The following SUGCT variants were observed in gnomAD, a reference collection of about 807,000 sequenced individuals.
The protein encoded by SUGCT is succinyl-CoA:glutarate-CoA transferase.
SUGCT carries 41 observed loss-of-function variants against 55.0 expected under a neutral mutation model. That is an observed-to-expected ratio of 0.74 (90% CI 0.58 to 0.97). The LOEUF (loss-of-function observed/expected upper bound fraction) is 0.97, where lower values mean the gene tolerates loss of function less well. Among genes scored for constraint, SUGCT ranks in the 50% least tolerant of loss-of-function variants. SUGCT has a pLI of 0.00. For missense variants in SUGCT, 568 were observed against 547.8 expected, an observed-to-expected ratio of 1.04 and a Z score of -0.37; for synonymous variants, 187 against 200.4, an observed-to-expected ratio of 0.93 and a Z score of 0.56.
chr7:40,645,332 C>T (rs191743498), intron 12 of SUGCT, among the ~76,000 whole-genome samples: 182 of 152,220 alleles, frequency 1.2e-3, no homozygotes, highest in African/African-American at 3.7e-3. Context: ...TGCTGTGGGC[C>T]GTGGCTCTTT....
intron 9 of SUGCT, among the ~76,000 whole-genome samples, chr7:40,381,412 A>G (rs1035083169): frequency 6.6e-5 from 10 of 152,068 alleles, no homozygotes; most frequent in Admixed American, 2.6e-4. Context: ...TTTTGTTCAC[A>G]TGGATAAAGT....
chr7:40,520,079 A>G (rs530995607), intron 12 of SUGCT, among the ~76,000 whole-genome samples: 1 of 152,230 alleles, frequency 6.6e-6, no homozygotes, highest in African/African-American at 2.4e-5. Context: ...GAAATAGACA[A>G]TGGGAAACTG....
intron 6 of SUGCT, among the ~76,000 whole-genome samples, chr7:40,232,492 T>C (rs1239410469): frequency 1.3e-5 from 2 of 152,158 alleles, no homozygotes; most frequent in South Asian, 4.1e-4. Flanking sequence ...AAGGGACCTG[T>C]GACCTCCAAA....
chr7:40,812,368 G>A (rs1269455691), intron 13 of SUGCT, among the ~76,000 whole-genome samples: 1 of 152,042 alleles, frequency 6.6e-6, no homozygotes, highest in African/African-American at 2.4e-5. Flanking sequence ...TTTCTGATTG[G>A]TAGTTTTTAA....
intron 8 of SUGCT, among the ~76,000 whole-genome samples, chr7:40,309,661 C>T (rs1795035906): frequency 6.6e-6 from 1 of 152,070 alleles, no homozygotes; most frequent in Non-Finnish European, 1.5e-5. Flanking sequence ...TAAATATTTG[C>T]TCTTTACCCT....
At chr7:40,646,909 A>G (rs1800544771) in intron 12 of SUGCT, among the ~76,000 whole-genome samples, 1 of 152,186 alleles carries the variant, frequency 6.6e-6, no homozygotes. Flanking sequence ...TGTTGCATGA[A>G]TGAATCAGGG....
chr7:40,164,753 C>T (rs560716560), intron 1 of SUGCT, among the ~76,000 whole-genome samples: 12 of 152,202 alleles, frequency 7.9e-5, no homozygotes, highest in Admixed American at 3.3e-4. Context: ...ATAATTAATC[C>T]GTCAATACAT....
intron 1 of SUGCT, among the ~76,000 whole-genome samples, chr7:40,171,107 C>T (rs1290059245): frequency 1.3e-5 from 2 of 152,198 alleles, no homozygotes; most frequent in African/African-American, 2.4e-5. Context: ...CCACTAGGGC[C>T]TTTGTCCTTC....
the SUGCT span, among the ~76,000 whole-genome samples, chr7:40,924,624 C>T: frequency 2.6e-5 from 4 of 152,128 alleles, no homozygotes; most frequent in African/African-American, 4.8e-5. Context: ...CATCAGTCAT[C>T]AGCATGGATC....
the SUGCT span, among the ~76,000 whole-genome samples, chr7:40,894,402 A>G: frequency 6.6e-6 from 1 of 152,212 alleles, no homozygotes; most frequent in Non-Finnish European, 1.5e-5. Flanking sequence ...TGGACATAGG[A>G]CCTGGCAAAC....
At chr7:40,961,241 C>A in the SUGCT span, among the ~76,000 whole-genome samples, 2 of 152,198 alleles carry the variant, frequency 1.3e-5, no homozygotes, top group African/African-American at 4.8e-5. Flanking sequence ...AAAGGCTGGG[C>A]TGCTCATCCA....
At chr7:40,325,276 C>T (rs1051032420) in intron 9 of SUGCT, among the ~76,000 whole-genome samples, 9 of 151,138 alleles carry the variant, frequency 6.0e-5, no homozygotes, top group Non-Finnish European at 8.8e-5. Flanking sequence ...ACATCTGTCT[C>T]TTCTTGTGTG....
At chr7:40,338,993 G>A (rs1796886062) in intron 9 of SUGCT, among the ~76,000 whole-genome samples, 1 of 152,224 alleles carries the variant, frequency 6.6e-6, no homozygotes, top group African/African-American at 2.4e-5. Context: ...CAGGTCTGTT[G>A]GAGTTTGCTA....
intron 9 of SUGCT, among the ~76,000 whole-genome samples, chr7:40,361,167 A>G (rs1798133148): frequency 6.6e-6 from 1 of 152,124 alleles, no homozygotes; most frequent in East Asian, 1.9e-4. Context: ...TGATTTTTCT[A>G]GTGCTATGGG....
intron 12 of SUGCT, among the ~76,000 whole-genome samples, chr7:40,729,972 T>C (rs1786809566): frequency 6.6e-6 from 1 of 152,206 alleles, no homozygotes; most frequent in African/African-American, 2.4e-5. Context: ...TATAAAACAC[T>C]GTGCAAGCCA....
At chr7:40,477,886 G>A (rs896770368) in intron 11 of SUGCT, among the ~76,000 whole-genome samples, 2 of 152,128 alleles carry the variant, frequency 1.3e-5, no homozygotes, top group Admixed American at 6.6e-5. Flanking sequence ...CAGTTGAAGT[G>A]ACTTTAGCTT....
At chr7:40,694,317 A>T (rs796108340) in intron 12 of SUGCT, among the ~76,000 whole-genome samples, 1 of 152,198 alleles carries the variant, frequency 6.6e-6, no homozygotes, top group South Asian at 2.1e-4. Flanking sequence ...TTTGCAAAGC[A>T]TGTGAGCAGG....
chr7:40,143,201 G>A (rs761079994), intron 1 of SUGCT, among the ~76,000 whole-genome samples: 17 of 152,154 alleles, frequency 1.1e-4, no homozygotes, highest in Non-Finnish European at 1.6e-4. Context: ...TCCAGTAAAG[G>A]TCCTCCATAA....
At chr7:40,715,738 C>T (rs1232791690) in intron 12 of SUGCT, among the ~76,000 whole-genome samples, 1 of 152,112 alleles carries the variant, frequency 6.6e-6, no homozygotes, top group Non-Finnish European at 1.5e-5. Flanking sequence ...TTTTGACATC[C>T]TCCCTCACAT....
Sources: gnomAD v4.1 joint callset for allele counts (sites outside exome capture counted in the v4.1 genomes callset) on GRCh38, gnomAD v4.1.1 for gene constraint, MANE v1.5 for transcripts, NCBI Gene and HGNC (gene_info 2026-07-23, HGNC 2026-07-21) for gene names.